Variants in FBN1 observed in about 807,000 individuals in gnomAD.
FBN1 encodes the protein fibrillin 1.
A neutral mutation model predicts 365.1 loss-of-function variants in FBN1; 29 were observed. The observed-to-expected ratio is 0.08, with a 90% CI of 0.06 to 0.11. The LOEUF is 0.11. Among genes scored for constraint, FBN1 ranks in the 10% least tolerant of loss-of-function variants. FBN1 has a pLI of 1.00. For missense variants in FBN1, 2,476 were observed against 3,703.2 expected, an observed-to-expected ratio of 0.67 and a Z score of 8.60; for synonymous variants, 1,210 against 1,270.5, an observed-to-expected ratio of 0.95 and a Z score of 1.01.
intron 43 of FBN1, among the ~76,000 whole-genome samples, chr15:48,457,545 G>A (rs756735208): frequency 6.6e-6 from 1 of 152,158 alleles, no homozygotes; most frequent in Non-Finnish European, 1.5e-5. Flanking sequence ...TATGGATAGA[G>A]ACTTTGGACA....
At chr15:48,635,251 C>T (rs1477139185) in intron 2 of FBN1, among the ~76,000 whole-genome samples, 1 of 152,184 alleles carries the variant, frequency 6.6e-6, no homozygotes, top group Non-Finnish European at 1.5e-5. Context: ...TGCTTTCTCT[C>T]TTCCGCTCTG....
chr15:48,568,396 A>G (rs2044277837), intron 6 of FBN1, among the ~76,000 whole-genome samples: 1 of 152,142 alleles, frequency 6.6e-6, no homozygotes, highest in South Asian at 2.1e-4. Context: ...TTCCATGTTC[A>G]CAGAATGGAA....
intron 1 of FBN1, among the ~76,000 whole-genome samples, chr15:48,645,258 C>G (rs1173661998): frequency 2.0e-5 from 3 of 152,158 alleles, no homozygotes; most frequent in Non-Finnish European, 4.4e-5. Flanking sequence ...GCACGAATTG[C>G]GCGCGATGCG....
chr15:48,480,050 T>A (rs1026277271), intron 32 of FBN1, among the ~76,000 whole-genome samples: 1 of 152,280 alleles, frequency 6.6e-6, no homozygotes, highest in African/African-American at 2.4e-5. Flanking sequence ...TAAAACTACA[T>A]TAAATAACAT....
intron 6 of FBN1, among the ~76,000 whole-genome samples, chr15:48,583,873 G>A (rs1000246001): frequency 2.6e-5 from 4 of 152,150 alleles, no homozygotes; most frequent in African/African-American, 2.4e-5. Context: ...AAAAGCACAC[G>A]GTTGATGTGC....
chr15:48,601,024 A>C (rs1182138850), intron 4 of FBN1, among the ~76,000 whole-genome samples: 1 of 152,178 alleles, frequency 6.6e-6, no homozygotes, highest in Non-Finnish European at 1.5e-5. Flanking sequence ...TAATAACAAC[A>C]CTGCCTGACG....
intron 53 of FBN1, 130 bp downstream of exon 53, chr15:48,436,831 G>A (rs1346211204): frequency 4.1e-6 from 3 of 739,872 alleles, no homozygotes. Flanking sequence ...CTAAATGAAT[G>A]ATGTATGAGT....
chr15:48,630,056 AT>A (rs1302183696), intron 2 of FBN1, among the ~76,000 whole-genome samples: 1 of 152,222 alleles, frequency 6.6e-6, no homozygotes, highest in East Asian at 1.9e-4. Context: ...AGTTCACTAG[AT>A]GAAGAATCCA....
At chr15:48,623,647 T>A (rs1410073013) in intron 2 of FBN1, among the ~76,000 whole-genome samples, 2 of 152,206 alleles carry the variant, frequency 1.3e-5, no homozygotes, top group African/African-American at 4.8e-5. Flanking sequence ...GGAGCCAGCC[T>A]CATGCGGCCA....
intron 60 of FBN1, among the ~76,000 whole-genome samples, chr15:48,423,628 T>G (rs1454691885): frequency 6.6e-6 from 1 of 152,160 alleles, no homozygotes; most frequent in East Asian, 1.9e-4. Context: ...CAGCAGCACT[T>G]GCTGCTCTTG....
chr15:48,597,773 T>C (rs1448588855), intron 5 of FBN1, among the ~76,000 whole-genome samples: 1 of 152,258 alleles, frequency 6.6e-6, no homozygotes, highest in African/African-American at 2.4e-5. Flanking sequence ...TCTTGATTTA[T>C]AGTCAGGGAG....
intron 36 of FBN1, among the ~76,000 whole-genome samples, chr15:48,470,007 T>G (rs1423795192): frequency 6.6e-6 from 1 of 152,104 alleles, no homozygotes; most frequent in African/African-American, 2.4e-5. Context: ...GTTTCTTCAG[T>G]ATCCTTGAAC....
intron 17 of FBN1, among the ~76,000 whole-genome samples, chr15:48,499,551 A>G (rs1409810031): frequency 6.6e-6 from 1 of 152,194 alleles, no homozygotes; most frequent in Admixed American, 6.5e-5. Context: ...GTGTATTTTT[A>G]AAGTTAATAT....
At chr15:48,634,720 C>T (rs746831263) in intron 2 of FBN1, among the ~76,000 whole-genome samples, 1 of 150,780 alleles carries the variant, frequency 6.6e-6, no homozygotes, top group Non-Finnish European at 1.5e-5. Context: ...ATTTGCAGCA[C>T]AGCTTATGAA....
Position 48,415,590 on chromosome 15 carries a change from G to A in FBN1, c.7997C>T (p.Thr2666Ile). ...QAPCSYGCSN[T>I]EGGYLCGCPP... ...ACAGCCACACAGGTAACCGCCCTCG[G>A]TATTGGAACAGCCATAGCTGCAGGG... Residue 2666 changes from threonine to isoleucine, a missense_variant, in exon 64 of 66, where the codon ACC (threonine) becomes ATC (isoleucine). Transcript: ENST00000316623. 6.2e-7 allele frequency: 1 copy of A among 1,614,234 alleles called. No individual in the cohort carries two copies. The highest frequency in any genetic ancestry group is 8.5e-7 in the Non-Finnish European group (1 of 1,180,052).
intron 47 of FBN1, 129 bp downstream of exon 47, chr15:48,446,577 A>G: frequency 1.4e-6 from 1 of 737,300 alleles, no homozygotes; most frequent in South Asian, 1.4e-5. Flanking sequence ...GACAAGTCCC[A>G]TAACCAATTG....
chr15:48,632,953 C>T (rs1195162654), intron 2 of FBN1, among the ~76,000 whole-genome samples: 2 of 152,148 alleles, frequency 1.3e-5, no homozygotes, highest in East Asian at 1.9e-4. Flanking sequence ...TGTGAAGCAC[C>T]AGCAGTCCAT....
intron 55 of FBN1, 23 bp downstream of exon 55, chr15:48,432,843 T>A: frequency 6.2e-7 from 1 of 1,613,254 alleles, no homozygotes; most frequent in Non-Finnish European, 8.5e-7. Flanking sequence ...CTGGCTTAGA[T>A]GACCTTGAAC....
At chr15:48,545,766 A>AC (rs903248133) in intron 6 of FBN1, among the ~76,000 whole-genome samples, 12 of 152,130 alleles carry the variant, frequency 7.9e-5, no homozygotes, top group Admixed American at 7.2e-4. Flanking sequence ...TCATGCCTAT[A>AC]CCCCCAGCAC....
Sources: allele counts gnomAD v4.1 joint callset (sites outside exome capture counted in the v4.1 genomes callset), GRCh38; gene constraint gnomAD v4.1.1; transcripts MANE v1.5; gene names NCBI Gene and HGNC (gene_info 2026-07-23, HGNC 2026-07-21).